VWCE: variants seen among roughly 807,000 people sequenced by gnomAD.
The protein encoded by VWCE is von Willebrand factor C and EGF domain-containing protein.
Under a neutral mutation model 102.9 loss-of-function variants are expected in VWCE, and 68 were observed. That is an observed-to-expected ratio of 0.66 (90% confidence interval 0.54 to 0.81). The LOEUF (loss-of-function observed/expected upper bound fraction) is 0.81, where lower values mean the gene tolerates loss of function less well. Among genes scored for constraint, VWCE ranks in the 30% least tolerant of loss-of-function variants. The pLI is 0.00. For missense variants in VWCE, 1,137 were observed against 1,263.6 expected, an observed-to-expected ratio of 0.90 and a Z score of 1.52; for synonymous variants, 497 against 515.4, an observed-to-expected ratio of 0.96 and a Z score of 0.48.
rs777981617 is a variant in VWCE, at chr11:61,280,891, G to T, written c.1132C>A (p.Arg378=). 1 of 1,531,212 alleles carries T rather than the reference G, an allele frequency of 6.5e-7. No homozygotes were observed. Among genetic ancestry groups the T allele is most frequent in the African/African-American group, 1.4e-5 (1 of 72,350 alleles). 94.9% of individuals were successfully genotyped at this position (1,531,212 alleles called of 1,614,324 possible). A position where few individuals can be genotyped will look rare whatever the true frequency, so the allele number is the denominator to read the frequency against. The change falls in exon 8 of 20, where the codon CGA becomes AGA. Residue 378 remains arginine, a synonymous_variant. Coordinates refer to ENST00000335613, the MANE Select transcript of VWCE (RefSeq NM_152718.2). ...CAGGGAGAGGGCCCTGCTGCCAGTC[G>T]GGGGGACTCAGGGCCCCTGGGTGAG... ...PSSPRGPESP[R]LAAGPSPCWH...
Position 61,294,807 on chromosome 11 carries a change from C to A in VWCE, c.110+121G>T. On this transcript the variant is annotated intron_variant, in intron 1 of 19. Coordinates refer to ENST00000335613, the MANE Select transcript of VWCE (RefSeq NM_152718.2). This position sits in a 1 kb window ranked among gnomAD's most constrained non-coding sequence, Gnocchi z 6.3. Reference sequence around the variant, plus strand: ...CCGAGCTGTGCCCGCGCTGATAGCACCCCAGAGGAAGCCCCGACACGCGGC... The same window carrying A: ...CCGAGCTGTGCCCGCGCTGATAGCAACCCAGAGGAAGCCCCGACACGCGGC... The A allele has an allele frequency of 3.3e-6, 2 of 598,188 alleles. No homozygotes were observed. The highest frequency in any genetic ancestry group is 4.3e-5 in the Admixed American group (1 of 23,458). The allele number at this position is 598,188 out of a possible 1,614,324, so 37.1% of individuals were successfully genotyped here. A position where few individuals can be genotyped will look rare whatever the true frequency, so the allele number is the denominator to read the frequency against.
chr11:61,271,333 G>C (rs1854690608), intron 14 of VWCE: 1 of 244,902 alleles, frequency 4.1e-6, no homozygotes, highest in Admixed American at 4.7e-5. Context: ...TTTTAGTAGA[G>C]ACAGGGTTTC....
At chr11:61,281,689 G>A in intron 7 of VWCE, 97 bp downstream of exon 7, 4 of 1,436,616 alleles carry the variant, frequency 2.8e-6, no homozygotes, top group Non-Finnish European at 3.7e-6. Flanking sequence ...GCGCCGGGAG[G>A]GCGTGACGGG....
intron 13 of VWCE, among the ~76,000 whole-genome samples, chr11:61,272,176 C>A (rs1203739214): frequency 1.5e-5 from 2 of 137,830 alleles, no homozygotes; most frequent in African/African-American, 6.9e-5. Flanking sequence ...ACAGATACAA[C>A]ACAGACACAC....
At chr11:61,285,122 G>A (rs556479658) in intron 5 of VWCE, among the ~76,000 whole-genome samples, 1 of 152,162 alleles carries the variant, frequency 6.6e-6, no homozygotes, top group South Asian at 2.1e-4. Flanking sequence ...AATGTCAGTG[G>A]TAGAAGCCCC....
intron 3 of VWCE, 108 bp downstream of exon 3, chr11:61,291,156 G>A: frequency 8.0e-7 from 1 of 1,256,668 alleles, no homozygotes; most frequent in Non-Finnish European, 1.1e-6. Flanking sequence ...ACCTAATGGA[G>A]TTGTCTGAAG....
At chr11:61,260,850 A>G (rs1455291665) in intron 19 of VWCE, among the ~76,000 whole-genome samples, 1 of 152,240 alleles carries the variant, frequency 6.6e-6, no homozygotes, top group East Asian at 1.9e-4. Flanking sequence ...ATTAAGATAA[A>G]CCACCAGAAA....
chr11:61,279,390 C>T (rs1280844570), intron 9 of VWCE, among the ~76,000 whole-genome samples: 1 of 151,880 alleles, frequency 6.6e-6, no homozygotes, highest in Non-Finnish European at 1.5e-5. Flanking sequence ...GCCAACATGG[C>T]GAAACACTGT....
At position 61,269,029 on chromosome 11, in the gene VWCE, G is replaced by A. The variant is rs1400587693; in HGVS notation, c.1786-11C>T. 1.9e-6 allele frequency: 3 copies of A among 1,613,578 alleles called. No individual in the cohort carries two copies. Among genetic ancestry groups the A allele is most frequent in the East Asian group, 2.2e-5 (1 of 44,898 alleles). On this transcript the variant is annotated splice_polypyrimidine_tract_variant and intron_variant, in intron 14 of 19. Coordinates refer to ENST00000335613, the MANE Select transcript of VWCE (RefSeq NM_152718.2). ...CACCGAGCCATCTGCCTGGAGGAAG[G>A]AGGAACTTCACCAAGACCCCACCGG...
chr11:61,290,950 G>A (rs1010684926), intron 3 of VWCE, 23 bp from the exon 4 acceptor site: 3 of 1,606,604 alleles, frequency 1.9e-6, no homozygotes, highest in East Asian at 2.2e-5. Context: ...TCACACCAGT[G>A]AGCATGCACC....
At position 61,294,626 on chromosome 11, in the gene VWCE, G is replaced by A. The variant is rs926686750; in HGVS notation, c.110+302C>T. Among the ~76,000 whole-genome samples, 1 of 152,076 alleles carries A rather than the reference G, an allele frequency of 6.6e-6. No homozygotes were observed. Among genetic ancestry groups the A allele is most frequent in the Non-Finnish European group, 1.5e-5 (1 of 67,992 alleles). ...TCCGGAGACCAGATGGCACGTCCTG[G>A]GCTCCCCTCTCCAGAGGTCCGCGCT... On this transcript the variant is annotated intron_variant, in intron 1 of 19. Coordinates refer to ENST00000335613, the MANE Select transcript of VWCE (RefSeq NM_152718.2). The surrounding 1 kb of genome is among the most constrained non-coding windows in gnomAD (Gnocchi z 6.3).
chr11:61,269,914 A>G (rs1027383416), intron 14 of VWCE, among the ~76,000 whole-genome samples: 2 of 142,824 alleles, frequency 1.4e-5, no homozygotes, highest in African/African-American at 2.8e-5. Context: ...TTCAGCTTAC[A>G]GCATTTTTTT....
Position 61,291,566 on chromosome 11 carries a change from C to G in VWCE, c.121G>C (p.Gly41Arg). Reference protein sequence around the residue: ...GHFAAERRRLGPHVCLSGFGS... With the variant: ...GHFAAERRRLRPHVCLSGFGS... The stretch of plus-strand genomic sequence containing the variant: ...AACCCAGAGAGGCAGACGTGGGGGC[C>G]CAGTCGGCGTCTGCAAGAGAAGAGA... The change falls in exon 2 of 20, where the codon GGC (glycine) becomes CGC (arginine). Residue 41 changes from glycine (G) to arginine (R), a missense_variant. Physicochemically the swap from Gly to Arg is moderately radical, Grantham distance 125. Around this residue, in one of 5 missense-constraint regions of VWCE, gnomAD observed 575 missense variants for 625.9 expected, o/e 0.92. Coordinates refer to ENST00000335613, the MANE Select transcript of VWCE (RefSeq NM_152718.2). The G allele has an allele frequency of 6.9e-7, 1 of 1,443,154 alleles. No individual in the cohort carries two copies. The highest frequency in any genetic ancestry group is 9.2e-7 in the Non-Finnish European group (1 of 1,092,816). The allele number at this position is 1,443,154 out of a possible 1,614,324, so 89.4% of individuals were successfully genotyped here.
intron 14 of VWCE, among the ~76,000 whole-genome samples, chr11:61,269,800 G>GT (rs1341347965): frequency 4.6e-5 from 7 of 151,858 alleles, no homozygotes; most frequent in African/African-American, 7.3e-5. Flanking sequence ...TGAACCTTTT[G>GT]TATCACTCTC....
intron 16 of VWCE, 139 bp downstream of exon 16, chr11:61,267,323 T>G: frequency 1.1e-5 from 9 of 827,338 alleles, no homozygotes; most frequent in Non-Finnish European, 1.8e-5. Flanking sequence ...TGGGCAGGAC[T>G]GGAGGGAGCT....
intron 7 of VWCE, 46 bp from the exon 8 acceptor site, chr11:61,281,281 G>C: frequency 6.2e-7 from 1 of 1,608,052 alleles, no homozygotes; most frequent in Non-Finnish European, 8.5e-7. Context: ...AGCAGAGACA[G>C]GAGGCAGGGT....
At chr11:61,269,049 C>T (rs1448919088) in intron 14 of VWCE, 31 bp from the exon 15 acceptor site, 1 of 1,595,162 alleles carries the variant, frequency 6.3e-7, no homozygotes. Context: ...ACCAAGACCC[C>T]ACCGGTGACA....
At position 61,280,707 on chromosome 11, in the gene VWCE, A is replaced by T. The variant is rs769905675; in HGVS notation, c.1241T>A (p.Val414Glu). 6.2e-7 allele frequency: 1 copy of T among 1,613,724 alleles called. No homozygotes were observed. Among genetic ancestry groups the T allele is most frequent in the African/African-American group, 1.3e-5 (1 of 74,808 alleles). ...CSQCWCEDGK[V>E]TCEKVRCEAA... Reference sequence around the variant, plus strand: ...TTCACACCTCACCTTTTCACAGGTCACCTTCCCGTCCTAGAAGCACAAGCA... The same window carrying T: ...TTCACACCTCACCTTTTCACAGGTCTCCTTCCCGTCCTAGAAGCACAAGCA... The change falls in exon 9 of 20, where the codon GTG becomes GAG. Residue 414 changes from valine to glutamate, a missense_variant. By Grantham distance (121) the Val-to-Glu change is moderately radical (BLOSUM62 -2). Around this residue, in one of 5 missense-constraint regions of VWCE, gnomAD observed 575 missense variants for 625.9 expected, o/e 0.92. Coordinates refer to ENST00000335613, the MANE Select transcript of VWCE (RefSeq NM_152718.2).
intron 9 of VWCE, among the ~76,000 whole-genome samples, chr11:61,280,407 G>C (rs1225985092): frequency 1.3e-5 from 2 of 152,120 alleles, no homozygotes; most frequent in Non-Finnish European, 2.9e-5. Flanking sequence ...AGCCACGTCA[G>C]TATCACCTGG....
Sources: allele counts gnomAD v4.1 joint callset (sites outside exome capture counted in the v4.1 genomes callset), GRCh38; gene constraint gnomAD v4.1.1; regional missense constraint gnomAD v4.1.1; non-coding constraint Gnocchi (gnomAD v3.1); transcripts MANE v1.5; gene names NCBI Gene and HGNC (gene_info 2026-07-23, HGNC 2026-07-21).